The following GPHN variants were observed in gnomAD, a reference collection of about 807,000 sequenced individuals.
The protein encoded by GPHN is gephyrin.
A neutral mutation model predicts 95.5 loss-of-function variants in GPHN; 17 were observed. The observed-to-expected ratio is 0.18, with a 90% CI of 0.12 to 0.27. The LOEUF (loss-of-function observed/expected upper bound fraction) is 0.27, where lower values mean the gene tolerates loss of function less well. Ranked by LOEUF, GPHN falls within the 10% of genes least tolerant of loss-of-function variation. The pLI is 1.00. For missense variants in GPHN, 660 were observed against 978.1 expected, an observed-to-expected ratio of 0.67 and a Z score of 4.34; for synonymous variants, 320 against 322.5, an observed-to-expected ratio of 0.99 and a Z score of 0.08.
At chr14:67,104,490 G>T (rs2153681640) in intron 13 of GPHN, among the ~76,000 whole-genome samples, 1 of 152,106 alleles carries the variant, frequency 6.6e-6, no homozygotes, top group Non-Finnish European at 1.5e-5. Context: ...TCAGATCTTG[G>T]GCTTTTCTTC....
At chr14:67,334,953 A>G in the GPHN span, 1 of 152,206 alleles carries the variant, frequency 6.6e-6, no homozygotes, top group Non-Finnish European at 1.5e-5. Context: ...GTTCATGTTA[A>G]GTTAGAGTGA....
At position 67,089,120 on chromosome 14, in the gene GPHN, TTTTTCTTTTTTTC is replaced by T. The variant is rs777377069; in HGVS notation, c.1237+50_1237+62del. ...TAAACATAATCAGGCACTGTATTTTTTTTTCTTTTTTTCTTTTTTTTTTTTTTTTTTTTTTTTT... is the reference window on the plus strand; with the variant it reads ...TAAACATAATCAGGCACTGTATTTTTTTTTTTTTTTTTTTTTTTTTTTTTT... On this transcript the variant is annotated intron_variant, in intron 12 of 22. Coordinates refer to ENST00000478722, the MANE Select transcript of GPHN (RefSeq NM_020806.5). 3.6e-4 allele frequency: 229 copies of T among 636,580 alleles called. 3 individuals carry two copies. Among genetic ancestry groups the T allele is most frequent in the Middle Eastern group, 7.2e-4 (2 of 2,788 alleles). 39.4% of individuals were successfully genotyped at this position (636,580 alleles called of 1,614,324 possible). A position where few individuals can be genotyped will look rare whatever the true frequency, so the allele number is the denominator to read the frequency against.
chr14:67,182,012 A>G (rs1384014295), downstream of GPHN, among the ~76,000 whole-genome samples: 1 of 152,348 alleles, frequency 6.6e-6, no homozygotes, highest in Middle Eastern at 3.4e-3. Flanking sequence ...ATGAGAAGGA[A>G]GGAGAACCTG....
At chr14:66,884,810 G>C (rs951994091) in intron 5 of GPHN, among the ~76,000 whole-genome samples, 23 of 137,582 alleles carry the variant, frequency 1.7e-4, no homozygotes, top group Non-Finnish European at 2.8e-4. Context: ...GTGTGTGTAT[G>C]TGTGTGTGTA....
Position 66,581,519 on chromosome 14 carries a change from C to T in GPHN, c.64+72928C>T, listed in dbSNP as rs542679615. Among the ~76,000 whole-genome samples the T allele has an allele frequency of 2.0e-5, 3 of 151,948 alleles. No individual in the cohort carries two copies. In the East Asian group the frequency reaches 5.8e-4, roughly 29 times the overall value. On this transcript the variant is annotated intron_variant, in intron 1 of 22. Coordinates refer to ENST00000478722, the MANE Select transcript of GPHN (RefSeq NM_020806.5). ...TACAAAACAACCGGAAAACAATGAACAATATAGCAATAGTAAATCCTTACC... is the reference window on the plus strand; with the variant it reads ...TACAAAACAACCGGAAAACAATGAATAATATAGCAATAGTAAATCCTTACC...
the GPHN span, among the ~76,000 whole-genome samples, chr14:67,202,295 G>A: frequency 6.6e-6 from 1 of 152,126 alleles, no homozygotes; most frequent in Non-Finnish European, 1.5e-5. Flanking sequence ...ACAAAAATTA[G>A]CCGGGCTTGG....
chr14:67,478,137 G>A, the GPHN span, among the ~76,000 whole-genome samples: 1 of 152,202 alleles, frequency 6.6e-6, no homozygotes. Context: ...AGACGGCTGG[G>A]GCAGCGTAGC....
intron 9 of GPHN, chr14:66,969,912 T>C (rs966703130): frequency 1.3e-5 from 2 of 152,044 alleles, no homozygotes; most frequent in African/African-American, 4.8e-5. Flanking sequence ...TTACCATTCA[T>C]TTTAGATGTT....
intron 16 of GPHN, among the ~76,000 whole-genome samples, chr14:67,119,559 G>A (rs1273882848): frequency 6.6e-6 from 1 of 152,162 alleles, no homozygotes; most frequent in Non-Finnish European, 1.5e-5. Flanking sequence ...GGAGGCCGAG[G>A]TGGGCGGATC....
At chr14:66,957,181 T>C (rs1721238558) in intron 8 of GPHN, among the ~76,000 whole-genome samples, 2 of 145,458 alleles carry the variant, frequency 1.4e-5, no homozygotes, top group South Asian at 4.3e-4. Flanking sequence ...TCAAATTTCT[T>C]TCTTTCTTTT....
chr14:67,581,737 G>A, the GPHN span: 2 of 242,080 alleles, frequency 8.3e-6, no homozygotes, highest in East Asian at 1.9e-4. Flanking sequence ...ATGTCTCCAG[G>A]CAAATAGTTT....
the GPHN span, among the ~76,000 whole-genome samples, chr14:67,248,402 T>A: frequency 1.3e-5 from 2 of 152,256 alleles, no homozygotes; most frequent in Admixed American, 6.5e-5. Flanking sequence ...CTAAAATACT[T>A]AATGAAGTCA....
intron 1 of GPHN, among the ~76,000 whole-genome samples, chr14:66,581,948 T>G (rs948903541): frequency 1.3e-4 from 19 of 151,984 alleles, no homozygotes; most frequent in African/African-American, 4.3e-4. Context: ...TGTAGTAGAC[T>G]TTAGTATGCC....
chr14:66,924,149 G>T, intron 7 of GPHN, 45 bp from the exon 8 acceptor site: 2 of 1,057,764 alleles, frequency 1.9e-6, no homozygotes, highest in Non-Finnish European at 3.0e-6. Context: ...ATAGTTTCAT[G>T]TTTTCCTGTC....
the GPHN span, chr14:67,586,663 C>G: frequency 2.1e-6 from 1 of 473,458 alleles, no homozygotes; most frequent in Non-Finnish European, 3.5e-6. Flanking sequence ...GTTCCTGACT[C>G]CCGTGTGATT....
intron 2 of GPHN, among the ~76,000 whole-genome samples, chr14:66,751,572 T>C (rs2153447982): frequency 6.6e-6 from 1 of 152,230 alleles, no homozygotes; most frequent in East Asian, 1.9e-4. Context: ...TTTAAGTTCC[T>C]TATAGATGCT....
Position 67,168,998 on chromosome 14 carries a change from G to A in GPHN, c.2041G>A (p.Gly681Ser). The A allele has an allele frequency of 1.2e-6, 2 of 1,613,534 alleles. No homozygotes were observed. Among genetic ancestry groups the A allele is most frequent in the Non-Finnish European group, 1.7e-6 (2 of 1,179,554 alleles). ...FVVPALRKMQ[G>S]ILDPRPTIIK... ...TGTGCCTGCACTGAGGAAAATGCAG[G>A]GCATCTTGGATCCTCGGCCAACCAT... Residue 681 changes from glycine (G) to serine (S), a missense_variant, in exon 21 of 23, where the codon GGC (glycine) becomes AGC (serine). Physicochemically the swap from Gly to Ser is moderately conservative, Grantham distance 56. This residue lies in a region of GPHN where 48 missense variants were observed against 137.4 expected (regional missense o/e 0.35). Coordinates refer to ENST00000478722, the MANE Select transcript of GPHN (RefSeq NM_020806.5).
chr14:67,430,541 C>A, the GPHN span, among the ~76,000 whole-genome samples: 3 of 152,206 alleles, frequency 2.0e-5, no homozygotes, highest in Admixed American at 1.3e-4. Flanking sequence ...AGCAGGAGTG[C>A]TTTCTCAACT....
intron 8 of GPHN, among the ~76,000 whole-genome samples, chr14:66,955,133 A>G (rs1363111758): frequency 1.3e-5 from 2 of 152,242 alleles, no homozygotes; most frequent in African/African-American, 4.8e-5. Flanking sequence ...AAAATGAGCT[A>G]GGAAATGTTC....
Sources: allele counts gnomAD v4.1 joint callset (sites outside exome capture counted in the v4.1 genomes callset), GRCh38; gene constraint gnomAD v4.1.1; regional missense constraint gnomAD v4.1.1; transcripts MANE v1.5; gene names NCBI Gene and HGNC (gene_info 2026-07-23, HGNC 2026-07-21).